The following PRKG1 variants were observed in gnomAD, a reference collection of about 807,000 sequenced individuals.
The protein encoded by PRKG1 is cGMP-dependent protein kinase 1.
PRKG1 carries 35 observed loss-of-function variants against 88.1 expected under a neutral mutation model. The ratio of observed to expected loss-of-function variants is 0.40; its 90% CI spans 0.30 to 0.53. PRKG1 has a LOEUF of 0.53. PRKG1 is among the 20% of genes least tolerant of loss of function. PRKG1 has a pLI of 0.59. For synonymous variants in PRKG1, 303 were observed against 292.5 expected, an observed-to-expected ratio of 1.04 and a Z score of -0.37; for missense variants, 540 against 839.8, an observed-to-expected ratio of 0.64 and a Z score of 4.41.
intron 4 of PRKG1, among the ~76,000 whole-genome samples, chr10:51,846,955 T>C (rs1000139720): frequency 6.6e-5 from 10 of 152,282 alleles, no homozygotes; most frequent in African/African-American, 2.4e-4. Context: ...AAATCAGTGA[T>C]ATGAATTCTG....
intron 3 of PRKG1, among the ~76,000 whole-genome samples, chr10:51,583,241 A>T (rs188497955): frequency 6.6e-6 from 1 of 152,266 alleles, no homozygotes; most frequent in Non-Finnish European, 1.5e-5. Context: ...TGGGCTTTAA[A>T]GTCAGATGAT....
At chr10:51,304,744 C>T (rs546487753) in intron 2 of PRKG1, among the ~76,000 whole-genome samples, 8 of 148,770 alleles carry the variant, frequency 5.4e-5, no homozygotes, top group South Asian at 4.3e-4. Context: ...TTTGGTTTTT[C>T]GTCCTTGCAA....
At chr10:51,685,555 A>G (rs566931957) in intron 3 of PRKG1, among the ~76,000 whole-genome samples, 19 of 152,312 alleles carry the variant, frequency 1.2e-4, no homozygotes, top group African/African-American at 4.3e-4. Context: ...GTCTCTTTCC[A>G]TCAACTCAAA....
chr10:51,841,461 T>C (rs1330183380), intron 4 of PRKG1, among the ~76,000 whole-genome samples: 1 of 152,184 alleles, frequency 6.6e-6, no homozygotes, highest in Non-Finnish European at 1.5e-5. Context: ...AGCCTGGACT[T>C]GTGGAATATG....
intron 5 of PRKG1, among the ~76,000 whole-genome samples, chr10:52,035,359 A>G (rs1442430715): frequency 6.6e-6 from 1 of 152,120 alleles, no homozygotes; most frequent in Non-Finnish European, 1.5e-5. Flanking sequence ...GAGTACTAGA[A>G]TAGCAGATGG....
At chr10:51,563,541 G>C (rs147839095) in intron 3 of PRKG1, among the ~76,000 whole-genome samples, 14 of 151,864 alleles carry the variant, frequency 9.2e-5, no homozygotes, top group Non-Finnish European at 1.5e-4. Context: ...TCACATTTCA[G>C]CCTAAAGAAA....
At chr10:51,809,772 C>T (rs1389016451) in intron 4 of PRKG1, among the ~76,000 whole-genome samples, 1 of 152,154 alleles carries the variant, frequency 6.6e-6, no homozygotes, top group Non-Finnish European at 1.5e-5. Flanking sequence ...CACGTCATCC[C>T]TCTTGCATTA....
intron 3 of PRKG1, among the ~76,000 whole-genome samples, chr10:51,561,741 C>T (rs1341367371): frequency 6.6e-6 from 1 of 152,056 alleles, no homozygotes; most frequent in Admixed American, 6.6e-5. Context: ...GTATGTAATA[C>T]CACCTCATGT....
chr10:51,269,678 C>A (rs1402237763), intron 2 of PRKG1, among the ~76,000 whole-genome samples: 1 of 151,984 alleles, frequency 6.6e-6, no homozygotes, highest in Non-Finnish European at 1.5e-5. Flanking sequence ...GGTACAAAGG[C>A]ATAAGAATGA....
At chr10:51,941,223 T>G (rs4254021) in intron 5 of PRKG1, among the ~76,000 whole-genome samples, 118,295 of 151,714 alleles carry the variant, frequency 0.78, 46,716 homozygotes, top group African/African-American at 0.9. Context: ...TTAAACAAAT[T>G]TAAAATATTT....
At chr10:51,491,254 T>C (rs1397661962) in intron 3 of PRKG1, among the ~76,000 whole-genome samples, 1 of 152,076 alleles carries the variant, frequency 6.6e-6, no homozygotes, top group Non-Finnish European at 1.5e-5. Flanking sequence ...TATATAAATG[T>C]TATGACAAAG....
chr10:51,164,275 C>A (rs1049258505), intron 2 of PRKG1, among the ~76,000 whole-genome samples: 3 of 152,190 alleles, frequency 2.0e-5, no homozygotes, highest in African/African-American at 7.2e-5. Context: ...GCTGCTGTTA[C>A]CCAGGCAAAC....
intron 10 of PRKG1, among the ~76,000 whole-genome samples, chr10:52,269,004 C>G (rs1230736624): frequency 6.6e-6 from 1 of 151,654 alleles, no homozygotes; most frequent in Non-Finnish European, 1.5e-5. Context: ...AGTCAGAATT[C>G]AAGTCCAGAC....
chr10:51,695,470 A>AT (rs1841264225), intron 3 of PRKG1: 1 of 152,202 alleles, frequency 6.6e-6, no homozygotes, highest in African/African-American at 2.4e-5. Context: ...AAAAATAAAC[A>AT]TATCAGATAC....
intron 2 of PRKG1, among the ~76,000 whole-genome samples, chr10:51,196,371 T>C (rs955712109): frequency 6.6e-6 from 1 of 152,208 alleles, no homozygotes; most frequent in African/African-American, 2.4e-5. Context: ...AATTCTACTA[T>C]AGCAAAACAT....
At chr10:51,363,762 G>C (rs1177622419) in intron 2 of PRKG1, among the ~76,000 whole-genome samples, 2 of 151,890 alleles carry the variant, frequency 1.3e-5, no homozygotes, top group Non-Finnish European at 2.9e-5. Flanking sequence ...TGTGAACCCT[G>C]TGGTACCCAT....
intron 1 of PRKG1, among the ~76,000 whole-genome samples, chr10:51,148,684 A>G (rs1845996360): frequency 6.6e-6 from 1 of 152,166 alleles, no homozygotes; most frequent in Non-Finnish European, 1.5e-5. Context: ...GCCTGAGAGT[A>G]AGTGATTTAA....
intron 3 of PRKG1, among the ~76,000 whole-genome samples, chr10:51,494,805 T>C (rs1840806952): frequency 6.6e-6 from 1 of 152,236 alleles, no homozygotes; most frequent in African/African-American, 2.4e-5. Flanking sequence ...TTTACAGGTT[T>C]TAAATTTATT....
At chr10:52,270,940 A>T (rs1048528907) in intron 10 of PRKG1, among the ~76,000 whole-genome samples, 3 of 152,130 alleles carry the variant, frequency 2.0e-5, no homozygotes, top group Non-Finnish European at 2.9e-5. Context: ...AGGAGGAAGA[A>T]TATAAAGGCC....
Sources: allele counts gnomAD v4.1 joint callset (sites outside exome capture counted in the v4.1 genomes callset), GRCh38; gene constraint gnomAD v4.1.1; transcripts MANE v1.5; gene names NCBI Gene and HGNC (gene_info 2026-07-23, HGNC 2026-07-21).